PHYKPL: variants seen among roughly 807,000 people sequenced by gnomAD.
PHYKPL encodes the protein 5-phosphohydroxy-L-lysine phospho-lyase.
Under a neutral mutation model 51.3 loss-of-function variants are expected in PHYKPL, and 42 were observed. The ratio of observed to expected loss-of-function variants is 0.82; its 90% CI spans 0.64 to 1.06. PHYKPL has a LOEUF of 1.06. PHYKPL is among the 50% of genes least tolerant of loss of function. The probability of loss-of-function intolerance (pLI) is 0.00; values close to 1 mark genes in which losing one functional copy is unlikely to be tolerated. For missense variants in PHYKPL, 655 were observed against 586.6 expected (o/e 1.12, Z -1.20); for synonymous variants, 264 against 236.0 (o/e 1.12, Z -1.09).
rs374536276 is a variant in PHYKPL at position 178,224,431 on chromosome 5, G to C, written c.618+17C>G. On this transcript the variant is annotated intron_variant, in intron 6 of 12. Coordinates refer to ENST00000308158, the MANE Select transcript of PHYKPL (RefSeq NM_153373.4). ...CATTCACTGTTGGCTGGATTGGACA[G>C]GCGCGGACACGGTTACCTTCCTGCC... 1.6e-5 allele frequency: 25 copies of C among 1,555,214 alleles called. No individual in the cohort carries two copies. In the African/African-American group the frequency reaches 3.3e-4, roughly 20 times the overall value.
intron 6 of PHYKPL, 99 bp downstream of exon 6, chr5:178,224,349 T>G: frequency 3.9e-6 from 5 of 1,277,034 alleles, no homozygotes; most frequent in Non-Finnish European, 5.4e-6. Flanking sequence ...AGGGCCTCGT[T>G]TGGTTTTCTC....
intron 12 of PHYKPL, chr5:178,209,255 C>G (rs545973254): frequency 3.6e-6 from 4 of 1,110,804 alleles, no homozygotes; most frequent in Non-Finnish European, 5.5e-6. Context: ...TGATGTTTGT[C>G]GCAGTGAAGG....
intron 3 of PHYKPL, among the ~76,000 whole-genome samples, chr5:178,229,288 A>G (rs1762909962): frequency 6.6e-6 from 1 of 152,046 alleles, no homozygotes; most frequent in Non-Finnish European, 1.5e-5. Context: ...GTGTATTTTT[A>G]GTAGAGACGG....
At chr5:178,208,017 A>G (rs559955987), downstream of PHYKPL, among the ~76,000 whole-genome samples, 18 of 152,254 alleles carry the variant, frequency 1.2e-4, no homozygotes, top group South Asian at 4.1e-4. Context: ...CCCAGGCAAA[A>G]ATCCTTCCAA....
intron 10 of PHYKPL, 43 bp from the exon 11 acceptor site, chr5:178,213,146 C>T (rs1758989501): frequency 1.2e-6 from 2 of 1,606,768 alleles, no homozygotes; most frequent in Admixed American, 1.7e-5. Flanking sequence ...TCAAGGCCTT[C>T]CTCAGCCTGG....
At chr5:178,226,848 G>C (rs1042451367) in intron 3 of PHYKPL, 1 of 152,218 alleles carries the variant, frequency 6.6e-6, no homozygotes, top group African/African-American at 2.4e-5. Flanking sequence ...AACAAGGGCT[G>C]TGGGAGTTAT....
chr5:178,214,668 C>T, intron 10 of PHYKPL, 128 bp downstream of exon 10: 1 of 809,256 alleles, frequency 1.2e-6, no homozygotes, highest in Non-Finnish European at 2.0e-6. Flanking sequence ...CAGCCCCAGC[C>T]CTCTTTCAAT....
At chr5:178,217,558 GAAA>G (rs869086983) in intron 8 of PHYKPL, among the ~76,000 whole-genome samples, 2 of 123,802 alleles carry the variant, frequency 1.6e-5, no homozygotes, top group Middle Eastern at 3.8e-3. Flanking sequence ...AAGAATCAGT[GAAA>G]AAAAAAAAAA....
chr5:178,210,823 A>C, intron 12 of PHYKPL: 1 of 600,508 alleles, frequency 1.7e-6, no homozygotes, highest in Admixed American at 2.8e-5. Context: ...GTGGTGTCTG[A>C]GAGGCCATAG....
chr5:178,223,455 T>C (rs1170162738), intron 6 of PHYKPL: 1 of 456,302 alleles, frequency 2.2e-6, no homozygotes, highest in African/African-American at 2.0e-5. Flanking sequence ...CATGTCACTG[T>C]TGTTTAAAAC....
rs2113881016 is a variant in PHYKPL, at chr5:178,222,359, T to C, written c.923A>G (p.Asn308Ser). The C allele has an allele frequency of 6.2e-7, 1 of 1,611,272 alleles. No individual in the cohort carries two copies. The highest frequency in any genetic ancestry group is 8.5e-7 in the Non-Finnish European group (1 of 1,177,730). ...AFEATGVEYF[N>S]TFGGSPVSCA... ...TGACTTAGAGCCATCACTCACCGTG[T>C]TGAAGTACTCAACGCCGGTGGCTTC... The change falls in exon 8 of 13, where the codon AAC becomes AGC. Residue 308 changes from asparagine (N) to serine (S), a missense_variant. Physicochemically the swap from Asn to Ser is conservative, Grantham distance 46. Coordinates refer to ENST00000308158, the MANE Select transcript of PHYKPL (RefSeq NM_153373.4).
chr5:178,232,529 T>G lies in PHYKPL; in HGVS notation c.22A>C (p.Lys8Gln). MAADQRP[K>Q]ADTLALRQRL... is the part of the protein sequence containing the mutation. ...TGCCTCAGGGCCAGCGTGTCGGCCT[T>G]CGGGCGCTGGTCTGCGGCCATGGTG... The change falls in exon 1 of 13, where the codon AAG becomes CAG. Residue 8 changes from lysine to glutamine, a missense_variant. Lys to Gln is a moderately conservative substitution (Grantham distance 53, BLOSUM62 1). Transcript: ENST00000308158. 1 of 1,288,518 alleles carries G rather than the reference T, an allele frequency of 7.8e-7. No homozygotes were observed. The highest frequency in any genetic ancestry group is 9.8e-7 in the Non-Finnish European group (1 of 1,022,434). The allele number at this position is 1,288,518 out of a possible 1,614,324, so 79.8% of individuals were successfully genotyped here.
Position 178,211,888 on chromosome 5 carries a change from A to G in PHYKPL, c.*31+2T>C. The G allele has an allele frequency of 1.9e-6, 3 of 1,610,840 alleles. No individual in the cohort carries two copies. Among genetic ancestry groups the G allele is most frequent in the Non-Finnish European group, 2.5e-6 (3 of 1,177,056 alleles). On this transcript the variant is annotated splice_donor_variant, in intron 12 of 12. Transcript: ENST00000308158. LOFTEE classifies it low-confidence loss of function (3UTR_SPLICE). ...CAAGAGTAAGAAGCAAGGCCCACTCACCTGGAGTACACTTAGGCAGAGCAG... is the reference window on the plus strand; with the variant it reads ...CAAGAGTAAGAAGCAAGGCCCACTCGCCTGGAGTACACTTAGGCAGAGCAG...
chr5:178,210,351 G>C, intron 12 of PHYKPL: 1 of 1,601,602 alleles, frequency 6.2e-7, no homozygotes, highest in Non-Finnish European at 8.5e-7. Flanking sequence ...GCCACTGGCA[G>C]CAGGGGCTTT....
chr5:178,219,337 CACACACACAG>C (rs1288530221), intron 8 of PHYKPL, among the ~76,000 whole-genome samples: 3 of 151,754 alleles, frequency 2.0e-5, no homozygotes, highest in Non-Finnish European at 4.4e-5. Flanking sequence ...GGTATATACA[CACACACACAG>C]ACACACACAC....
At chr5:178,209,209 A>AT in intron 12 of PHYKPL, 1 of 830,988 alleles carries the variant, frequency 1.2e-6, no homozygotes, top group Non-Finnish European at 2.0e-6. Context: ...ATACTAGCAT[A>AT]TTTTGTTTCT....
At chr5:178,209,170 C>T (rs1016333975) in intron 12 of PHYKPL, among the ~76,000 whole-genome samples, 11 of 152,218 alleles carry the variant, frequency 7.2e-5, no homozygotes, top group African/African-American at 2.7e-4. Context: ...GTTGGGATTC[C>T]ATGAGCTTTA....
chr5:178,224,403 T>C, intron 6 of PHYKPL, 45 bp downstream of exon 6: 1 of 1,490,034 alleles, frequency 6.7e-7, no homozygotes, highest in South Asian at 1.3e-5. Context: ...ACAACGGAGG[T>C]GACATTCACT....
intron 3 of PHYKPL, chr5:178,226,714 T>C (rs866096432): frequency 6.6e-6 from 1 of 152,140 alleles, no homozygotes; most frequent in Non-Finnish European, 1.5e-5. Flanking sequence ...ATGAGTTTTA[T>C]GACCCACCAT....
Sources: allele counts gnomAD v4.1 joint callset (sites outside exome capture counted in the v4.1 genomes callset), GRCh38; gene constraint gnomAD v4.1.1; transcripts MANE v1.5; gene names NCBI Gene and HGNC (gene_info 2026-07-23, HGNC 2026-07-21).